Variants in TAF3 observed in about 807,000 individuals in gnomAD.
The protein encoded by TAF3 is TATA-box binding protein associated factor 3.
A neutral mutation model predicts 80.6 loss-of-function variants in TAF3; 7 were observed. That is an observed-to-expected ratio of 0.09 (90% CI 0.05 to 0.16). The LOEUF (loss-of-function observed/expected upper bound fraction) is 0.16, where lower values mean the gene tolerates loss of function less well. Ranked by LOEUF, TAF3 falls within the 10% of genes least tolerant of loss-of-function variation. The pLI, the probability that TAF3 is intolerant of heterozygous loss-of-function variation, is 1.00. For missense variants in TAF3, 921 were observed against 1,140.2 expected, an observed-to-expected ratio of 0.81 and a Z score of 2.77; for synonymous variants, 444 against 446.1, an observed-to-expected ratio of 1.00 and a Z score of 0.06.
At chr10:7,895,717 T>C (rs1837498121) in intron 2 of TAF3, among the ~76,000 whole-genome samples, 1 of 137,806 alleles carries the variant, frequency 7.3e-6, no homozygotes, top group Non-Finnish European at 1.6e-5. Flanking sequence ...TTCCACTAAT[T>C]GTGTGGCCTC....
chr10:8,005,472 T>G (rs1327123681), intron 4 of TAF3, among the ~76,000 whole-genome samples: 1 of 152,262 alleles, frequency 6.6e-6, no homozygotes, highest in East Asian at 1.9e-4. Context: ...TCGTGCATCT[T>G]TACCTTATGG....
intron 2 of TAF3, among the ~76,000 whole-genome samples, chr10:7,858,855 C>T (rs1189257333): frequency 3.3e-5 from 5 of 151,580 alleles, no homozygotes; most frequent in African/African-American, 4.9e-5. Flanking sequence ...ACTGAATGTA[C>T]GTGTGAGTGT....
chr10:7,995,466 T>C (rs1831878934), intron 4 of TAF3, among the ~76,000 whole-genome samples: 1 of 152,230 alleles, frequency 6.6e-6, no homozygotes. Context: ...TATTATTATC[T>C]TTCTAGTGTA....
chr10:8,003,406 T>C (rs1167824757), intron 4 of TAF3, among the ~76,000 whole-genome samples: 1 of 152,204 alleles, frequency 6.6e-6, no homozygotes, highest in Non-Finnish European at 1.5e-5. Flanking sequence ...GGCTTACATA[T>C]CATTATGTTG....
chr10:7,900,771 G>A (rs1837550415), intron 2 of TAF3, among the ~76,000 whole-genome samples: 1 of 152,138 alleles, frequency 6.6e-6, no homozygotes, highest in African/African-American at 2.4e-5. Context: ...GTGTTTCACT[G>A]TTTTACTGAA....
intron 3 of TAF3, among the ~76,000 whole-genome samples, chr10:7,967,767 A>G (rs1454570242): frequency 6.6e-6 from 1 of 152,212 alleles, no homozygotes; most frequent in Admixed American, 6.5e-5. Flanking sequence ...ATTCTGAATC[A>G]AACTATAAAA....
chr10:7,985,565 T>G (rs1831768239), intron 4 of TAF3, among the ~76,000 whole-genome samples: 1 of 152,210 alleles, frequency 6.6e-6, no homozygotes, highest in African/African-American at 2.4e-5. Context: ...CTCCTAAACC[T>G]TCTGTATTCT....
intron 2 of TAF3, among the ~76,000 whole-genome samples, chr10:7,828,407 T>A (rs1413609559): frequency 3.3e-5 from 5 of 152,224 alleles, no homozygotes; most frequent in Admixed American, 6.5e-5. Flanking sequence ...AAGGAGTTAT[T>A]GCCTGCTTTA....
chr10:7,848,086 T>A (rs1173608536), intron 2 of TAF3, among the ~76,000 whole-genome samples: 1 of 152,240 alleles, frequency 6.6e-6, no homozygotes, highest in Non-Finnish European at 1.5e-5. Context: ...TCTAATAAAA[T>A]TGTTTTCACT....
intron 4 of TAF3, among the ~76,000 whole-genome samples, chr10:7,988,752 G>GAAAAAAAAAAAAAA (rs56395044): frequency 3.2e-5 from 3 of 92,830 alleles, no homozygotes; most frequent in Admixed American, 1.2e-4. Flanking sequence ...CTGTCTCTCA[G>GAAAAAAAAAAAAAA]AAAAAAAAAA....
rs1200211004 is a variant in TAF3 at position 8,015,229 on chromosome 10, G to A, written c.*478G>A. The stretch of plus-strand genomic sequence containing the variant: ...AACATAAAAGAAAACTCCAGTTGGA[G>A]TACCGGTAAATATTTTTGTGATAAG... On this transcript the variant is annotated 3_prime_UTR_variant, in exon 7 of 7. Coordinates refer to ENST00000344293, the MANE Select transcript of TAF3 (RefSeq NM_031923.4). The A allele has an allele frequency of 2.6e-5, 4 of 152,288 alleles. No individual in the cohort carries two copies. Among genetic ancestry groups the A allele is most frequent in the Non-Finnish European group, 5.9e-5 (4 of 68,196 alleles). The allele number at this position is 152,288 out of a possible 1,614,324, so 9.4% of individuals were successfully genotyped here. A position where few individuals can be genotyped will look rare whatever the true frequency, so the allele number is the denominator to read the frequency against.
intron 4 of TAF3, among the ~76,000 whole-genome samples, chr10:8,003,199 GT>G (rs565989249): frequency 2.7e-5 from 4 of 150,366 alleles, no homozygotes; most frequent in Admixed American, 1.3e-4. Flanking sequence ...GTGTTCAGTG[GT>G]TTTTTTTCTC....
chr10:7,848,602 G>T (rs1836996305), intron 2 of TAF3, among the ~76,000 whole-genome samples: 1 of 152,140 alleles, frequency 6.6e-6, no homozygotes, highest in African/African-American at 2.4e-5. Flanking sequence ...TAAATATGAA[G>T]CAGGGATGGA....
At chr10:7,847,483 C>T (rs184930492) in intron 2 of TAF3, among the ~76,000 whole-genome samples, 129 of 152,284 alleles carry the variant, frequency 8.5e-4, no homozygotes, top group Non-Finnish European at 1.4e-3. Context: ...CTTGCCCTGT[C>T]GTACAGGCTG....
chr10:7,861,332 T>A (rs1292284496), intron 2 of TAF3, among the ~76,000 whole-genome samples: 1 of 152,112 alleles, frequency 6.6e-6, no homozygotes. Flanking sequence ...GGTCTTGAAC[T>A]CCTGACCTTG....
intron 4 of TAF3, among the ~76,000 whole-genome samples, chr10:8,004,910 C>T (rs1005366774): frequency 6.6e-6 from 1 of 152,180 alleles, no homozygotes; most frequent in African/African-American, 2.4e-5. Context: ...CAAACATGCA[C>T]TAATTAGACC....
chr10:7,978,261 G>A (rs899729776), intron 4 of TAF3, among the ~76,000 whole-genome samples: 2 of 152,152 alleles, frequency 1.3e-5, no homozygotes, highest in African/African-American at 4.8e-5. Flanking sequence ...AATTTATTTA[G>A]TAGAGAGGAC....
At chr10:7,825,922 C>A (rs545148329) in intron 2 of TAF3, among the ~76,000 whole-genome samples, 4 of 152,320 alleles carry the variant, frequency 2.6e-5, no homozygotes, top group Non-Finnish European at 5.9e-5. Context: ...GGAAGCACCA[C>A]ACTGTTTTCC....
chr10:8,002,148 C>T (rs1831950388), intron 4 of TAF3, among the ~76,000 whole-genome samples: 3 of 152,166 alleles, frequency 2.0e-5, no homozygotes, highest in Admixed American at 6.5e-5. Flanking sequence ...CCTCTGTTCT[C>T]TCTCTTTCCT....
Sources: allele counts gnomAD v4.1 joint callset (sites outside exome capture counted in the v4.1 genomes callset), GRCh38; gene constraint gnomAD v4.1.1; transcripts MANE v1.5; gene names NCBI Gene and HGNC (gene_info 2026-07-23, HGNC 2026-07-21).